Variants in SBNO1 observed in about 807,000 individuals in gnomAD.
SBNO1 encodes the protein strawberry notch homolog 1.
Under a neutral mutation model 173.6 loss-of-function variants are expected in SBNO1, and 23 were observed. The observed-to-expected ratio is 0.13, with a 90% CI of 0.10 to 0.19. SBNO1 has a LOEUF of 0.19. SBNO1 is among the 10% of genes least tolerant of loss of function. The pLI, the probability that SBNO1 is intolerant of heterozygous loss-of-function variation, is 1.00. For missense variants in SBNO1, 1,238 were observed against 1,671.2 expected, an observed-to-expected ratio of 0.74 and a Z score of 4.52; for synonymous variants, 632 against 571.5, an observed-to-expected ratio of 1.11 and a Z score of -1.51.
intron 16 of SBNO1, among the ~76,000 whole-genome samples, chr12:123,323,067 ATC>A (rs920272333): frequency 2.6e-5 from 4 of 152,118 alleles, no homozygotes; most frequent in Admixed American, 1.3e-4. Flanking sequence ...TGCTTCAATG[ATC>A]TCTGTCTATA....
chr12:123,361,869 G>A (rs564955308), intron 1 of SBNO1, among the ~76,000 whole-genome samples: 277 of 152,256 alleles, frequency 1.8e-3, no homozygotes, highest in African/African-American at 5.5e-3. Context: ...GGCCAGGCGC[G>A]GTGGCTCACG....
intron 1 of SBNO1, among the ~76,000 whole-genome samples, chr12:123,363,044 T>C (rs1875564082): frequency 6.6e-6 from 1 of 152,088 alleles, no homozygotes; most frequent in African/African-American, 2.4e-5. Flanking sequence ...TATGACCACG[T>C]CACTGCACTT....
intron 1 of SBNO1, chr12:123,363,984 C>A: frequency 1.0e-6 from 1 of 985,502 alleles, no homozygotes; most frequent in Non-Finnish European, 1.2e-6. Context: ...ACTCTGGATG[C>A]TCGTTATGCC....
intron 5 of SBNO1, among the ~76,000 whole-genome samples, 162 bp downstream of exon 5, chr12:123,340,826 T>C (rs1015736830): frequency 4.6e-5 from 7 of 152,130 alleles, no homozygotes; most frequent in South Asian, 2.1e-4. Flanking sequence ...TTAGTATCTA[T>C]ATTACTCCAG....
At position 123,294,634 on chromosome 12, in the gene SBNO1, CAAAAAAAAAAAAAAAAA is replaced by C. The variant is rs143013489; in HGVS notation, c.*1257_*1273del. On this transcript the variant is annotated 3_prime_UTR_variant, in exon 32 of 32. Coordinates refer to ENST00000602398, the MANE Select transcript of SBNO1 (RefSeq NM_001167856.3). Reference sequence around the variant, plus strand: ...TTTTCAATAGTGCAACCTGTGGAAGCAAAAAAAAAAAAAAAAAAAAAAAAAAAGAAAAAAAGAAAAGA... The same window carrying C: ...TTTTCAATAGTGCAACCTGTGGAAGCAAAAAAAAAAGAAAAAAAGAAAAGA... 5.0e-5 allele frequency: 3 copies of C among 59,958 alleles called. No individual in the cohort carries two copies. Among genetic ancestry groups the C allele is most frequent in the African/African-American group, 8.2e-5 (1 of 12,268 alleles). 3.7% of individuals were successfully genotyped at this position (59,958 alleles called of 1,614,324 possible).
intron 7 of SBNO1, among the ~76,000 whole-genome samples, chr12:123,332,025 G>C (rs1057044354): frequency 6.8e-6 from 1 of 147,628 alleles, no homozygotes; most frequent in African/African-American, 2.5e-5. Context: ...CTAATTTTTT[G>C]TATTTTTAGT....
rs2048487350 is a variant in SBNO1, at chr12:123,289,977, A to G, written c.*5931T>C. The G allele has an allele frequency of 6.6e-6, 1 of 152,318 alleles. No homozygotes were observed. The highest frequency in any genetic ancestry group is 1.5e-5 in the Non-Finnish European group (1 of 68,076). The allele number at this position is 152,318 out of a possible 1,614,324, so 9.4% of individuals were successfully genotyped here. A position where few individuals can be genotyped will look rare whatever the true frequency, so the allele number is the denominator to read the frequency against. On this transcript the variant is annotated 3_prime_UTR_variant, in exon 32 of 32. Coordinates refer to ENST00000602398, the MANE Select transcript of SBNO1 (RefSeq NM_001167856.3). ...TAGGGGCCCGCAGTGGAAAAGCCAGACAGGTTCTCACCAGGGGCCTGCAGA... is the reference window on the plus strand; with the variant it reads ...TAGGGGCCCGCAGTGGAAAAGCCAGGCAGGTTCTCACCAGGGGCCTGCAGA...
At position 123,326,175 on chromosome 12, in the gene SBNO1, G is replaced by C; in HGVS notation, c.1852C>G (p.Arg618Gly). 1.9e-6 allele frequency: 3 copies of C among 1,605,746 alleles called. No individual in the cohort carries two copies. Among genetic ancestry groups the C allele is most frequent in the Non-Finnish European group, 2.6e-6 (3 of 1,175,558 alleles). ...ACTTTTCCATTCTTGATTTCCTCTC[G>C]AGCTAGTTGCACAACCCTTTTAACT... ...SKVKRVVQLA[R>G]EEIKNGKCVV... The change falls in exon 14 of 32, where the codon CGA (arginine) becomes GGA (glycine). Residue 618 changes from arginine (R) to glycine (G), a missense_variant. Arg to Gly is a moderately radical substitution (Grantham distance 125). This residue lies in a region of SBNO1 where 182 missense variants were observed against 339.9 expected (regional missense o/e 0.54). Transcript: ENST00000602398.
At chr12:123,336,966 C>T (rs1352681048) in intron 5 of SBNO1, among the ~76,000 whole-genome samples, 1 of 152,192 alleles carries the variant, frequency 6.6e-6, no homozygotes, top group East Asian at 1.9e-4. Context: ...TCTCACATTC[C>T]ACCTTCTTCT....
chr12:123,309,322 G>A lies in SBNO1; in HGVS notation c.3618C>T (p.Tyr1206=). 6.2e-7 allele frequency: 1 copy of A among 1,613,754 alleles called. No homozygotes were observed. Among genetic ancestry groups the A allele is most frequent in the South Asian group, 1.1e-5 (1 of 91,076 alleles). The stretch of plus-strand genomic sequence containing the variant: ...GGAAAAGTCGTACTTGCAATGACAA[G>A]TAAAAGCCATCGTCTGGTCCTGTCA... The part of the protein sequence containing the change: ...AELTGPDDGF[Y]LSLQIRNNKK... Residue 1206 remains tyrosine (Y), a synonymous_variant, in exon 28 of 32, where the codon TAC becomes TAT. Transcript: ENST00000602398.
chr12:123,314,959 T>G (rs888841377), intron 23 of SBNO1, among the ~76,000 whole-genome samples: 1 of 151,720 alleles, frequency 6.6e-6, no homozygotes, highest in Non-Finnish European at 1.5e-5. Flanking sequence ...GCCAGGCTGG[T>G]CTCGAACTCC....
chr12:123,344,451 T>G (rs575492792), intron 4 of SBNO1, among the ~76,000 whole-genome samples: 16 of 152,290 alleles, frequency 1.1e-4, no homozygotes, highest in Middle Eastern at 3.4e-3. Flanking sequence ...CCAGATGATC[T>G]GAAAATTTTA....
rs555196891 is a variant in SBNO1, at chr12:123,323,890, G to T, written c.1974-59C>A. On this transcript the variant is annotated intron_variant, in intron 15 of 31. Coordinates refer to ENST00000602398, the MANE Select transcript of SBNO1 (RefSeq NM_001167856.3). ...AGTTGACAAAATAATTATATGTAAAGTATTATTAAATATATTGAAATATAC... is the reference window on the plus strand; with the variant it reads ...AGTTGACAAAATAATTATATGTAAATTATTATTAAATATATTGAAATATAC... 2.0e-5 allele frequency: 25 copies of T among 1,253,340 alleles called. No homozygotes were observed. The African/African-American group carries it at 2.7e-4, about 13-fold the overall frequency. The allele number at this position is 1,253,340 out of a possible 1,614,324, so 77.6% of individuals were successfully genotyped here.
intron 20 of SBNO1, among the ~76,000 whole-genome samples, chr12:123,317,772 T>C (rs1009496870): frequency 2.6e-5 from 4 of 152,178 alleles, no homozygotes; most frequent in Admixed American, 6.6e-5. Flanking sequence ...CCCAAATGTG[T>C]CCATGAGAGA....
At chr12:123,363,939 T>C in intron 1 of SBNO1, 1 of 985,408 alleles carries the variant, frequency 1.0e-6, no homozygotes, top group Non-Finnish European at 1.2e-6. Context: ...CCCAAACCAC[T>C]TCTGGGAAAC....
rs376953957 is a variant in SBNO1, at chr12:123,309,504, G to A, written c.3522C>T (p.His1174=). ...FLTPGYSTSG[H]VELYTISVER... ...CTAAACTTACTGTGTATAATTCTAC[G>A]TGGCCAGAGGTTGAATATCCTGGAG... Residue 1174 remains histidine, a synonymous_variant, in exon 27 of 32, where the codon CAC becomes CAT. Transcript: ENST00000602398. 2.5e-5 allele frequency: 40 copies of A among 1,612,858 alleles called. No individual in the cohort carries two copies. The highest frequency in any genetic ancestry group is 1.7e-4 in the African/African-American group (13 of 75,018).
At chr12:123,321,268 T>C (rs1869945306) in intron 17 of SBNO1, among the ~76,000 whole-genome samples, 1 of 152,160 alleles carries the variant, frequency 6.6e-6, no homozygotes. Flanking sequence ...ACTGATAACT[T>C]ATCACCACCT....
intron 2 of SBNO1, chr12:123,349,213 C>CCT (rs1185993624): frequency 6.6e-6 from 1 of 152,126 alleles, no homozygotes; most frequent in Non-Finnish European, 1.5e-5. Flanking sequence ...GATCCTCCCA[C>CCT]CTCAGCCTCC....
At chr12:123,364,158 G>A (rs1044574546) in intron 1 of SBNO1, 1 of 985,558 alleles carries the variant, frequency 1.0e-6, no homozygotes, top group South Asian at 4.7e-5. Flanking sequence ...ACCGCCCCAA[G>A]AGCGGGGCAT....
Sources: allele counts gnomAD v4.1 joint callset (sites outside exome capture counted in the v4.1 genomes callset), GRCh38; gene constraint gnomAD v4.1.1; regional missense constraint gnomAD v4.1.1; transcripts MANE v1.5; gene names NCBI Gene and HGNC (gene_info 2026-07-23, HGNC 2026-07-21).